The following SFMBT2 variants were observed in gnomAD, a reference collection of about 807,000 sequenced individuals.
SFMBT2 encodes Scm like with four mbt domains 2.
SFMBT2 carries 38 observed loss-of-function variants against 110.1 expected under a neutral mutation model. The ratio of observed to expected loss-of-function variants is 0.35; its 90% CI spans 0.27 to 0.45. The LOEUF is 0.45. SFMBT2 is among the 20% of genes least tolerant of loss of function. The pLI is 1.00. For missense variants in SFMBT2, 1,011 were observed against 1,094.9 expected, an observed-to-expected ratio of 0.92 and a Z score of 1.08; for synonymous variants, 425 against 425.4, an observed-to-expected ratio of 1.00 and a Z score of 0.01.
At chr10:7,232,711 T>C (rs11255052) in intron 9 of SFMBT2, among the ~76,000 whole-genome samples, 68,795 of 152,100 alleles carry the variant, frequency 0.45, 16,496 homozygotes, top group East Asian at 0.87. Context: ...GGCTACTTTC[T>C]TCTTTGACCT....
chr10:7,233,964 G>A (rs989034991), intron 9 of SFMBT2, among the ~76,000 whole-genome samples: 2 of 152,236 alleles, frequency 1.3e-5, no homozygotes, highest in Non-Finnish European at 2.9e-5. Context: ...GTTTCACAAA[G>A]GAGTTTGTGT....
chr10:7,346,968 C>T (rs1192607804), intron 4 of SFMBT2, among the ~76,000 whole-genome samples: 1 of 151,814 alleles, frequency 6.6e-6, no homozygotes, highest in Admixed American at 6.6e-5. Flanking sequence ...CCAGCCTGGG[C>T]GACAAAACCA....
chr10:7,348,155 A>T, intron 4 of SFMBT2: 5 of 593,064 alleles, frequency 8.4e-6, no homozygotes, highest in Non-Finnish European at 1.3e-5. Context: ...TTCTAAAAAC[A>T]TTTTATTTTC....
intron 7 of SFMBT2, among the ~76,000 whole-genome samples, chr10:7,273,312 A>C (rs1257486571): frequency 6.6e-6 from 1 of 152,210 alleles, no homozygotes; most frequent in Admixed American, 6.5e-5. Context: ...TGACTACACT[A>C]AAAAGATTCC....
chr10:7,377,521 TG>T (rs1442113788), intron 2 of SFMBT2, among the ~76,000 whole-genome samples: 1 of 152,196 alleles, frequency 6.6e-6, no homozygotes, highest in Non-Finnish European at 1.5e-5. Context: ...ATAGAATCAG[TG>T]GGAATCCTGG....
chr10:7,163,649 T>G lies in SFMBT2; in HGVS notation c.*121A>C. The G allele has an allele frequency of 1.1e-6, 1 of 883,300 alleles. No homozygotes were observed. The highest frequency in any genetic ancestry group is 2.7e-5 in the East Asian group (1 of 37,072). 54.7% of individuals were successfully genotyped at this position (883,300 alleles called of 1,614,324 possible). On this transcript the variant is annotated 3_prime_UTR_variant, in exon 21 of 21. Transcript: ENST00000397167. This position sits in a 1 kb window ranked among gnomAD's most constrained non-coding sequence, Gnocchi z 4.8. ...GAGGCAGAAGATCCTGGGCTTCTGGTTTTCTGGTGATACTTAGTGGCTGTA... is the reference window on the plus strand; with the variant it reads ...GAGGCAGAAGATCCTGGGCTTCTGGGTTTCTGGTGATACTTAGTGGCTGTA...
In SFMBT2 at chr10:7,264,838, A is replaced by G. The variant is rs1019002604; in HGVS notation, c.870+12054T>C. On this transcript the variant is annotated intron_variant, in intron 7 of 20. Transcript: ENST00000397167. ...CTTGGGCTTATTCCTCAAGTTCCTT[A>G]TATCTTTATTCTCTATTTGTTTAGT... 2.0e-5 allele frequency among the ~76,000 whole-genome samples: 3 copies of G among 151,602 alleles called. No homozygotes were observed. In the East Asian group the frequency reaches 5.8e-4, roughly 29 times the overall value.
At chr10:7,334,416 C>T (rs930457816) in intron 4 of SFMBT2, among the ~76,000 whole-genome samples, 1 of 152,194 alleles carries the variant, frequency 6.6e-6, no homozygotes, top group Admixed American at 6.5e-5. Context: ...CTAACGAAAC[C>T]TCTTTGGAAT....
At chr10:7,283,622 A>G (rs551443642) in intron 6 of SFMBT2, among the ~76,000 whole-genome samples, 14 of 152,332 alleles carry the variant, frequency 9.2e-5, no homozygotes, top group Admixed American at 6.5e-4. Context: ...AATATCCTCA[A>G]GTCTCAATCT....
chr10:7,233,989 C>T (rs1840183441), intron 9 of SFMBT2, among the ~76,000 whole-genome samples: 1 of 152,232 alleles, frequency 6.6e-6, no homozygotes, highest in South Asian at 2.1e-4. Flanking sequence ...TGCAGGCTTA[C>T]AGGCAGGACA....
chr10:7,235,932 ACACT>A (rs1452487290), intron 9 of SFMBT2, among the ~76,000 whole-genome samples: 1 of 152,198 alleles, frequency 6.6e-6, no homozygotes, highest in African/African-American at 2.4e-5. Flanking sequence ...AAATAAATTC[ACACT>A]CAATAAAACA....
At chr10:7,405,269 G>GCTAT (rs1218583205) in intron 1 of SFMBT2, among the ~76,000 whole-genome samples, 1 of 152,198 alleles carries the variant, frequency 6.6e-6, no homozygotes, top group Non-Finnish European at 1.5e-5. Flanking sequence ...GGTACACTGT[G>GCTAT]CTATCTGGAA....
At chr10:7,251,159 A>G (rs1212330550) in intron 7 of SFMBT2, among the ~76,000 whole-genome samples, 1 of 132,016 alleles carries the variant, frequency 7.6e-6, no homozygotes, top group Non-Finnish European at 1.6e-5. Context: ...CCAATAAAAA[A>G]AATTAAACAT....
intron 4 of SFMBT2, among the ~76,000 whole-genome samples, chr10:7,302,975 C>G (rs1310561391): frequency 6.6e-6 from 1 of 150,762 alleles, no homozygotes; most frequent in Non-Finnish European, 1.5e-5. Flanking sequence ...TATCATAAAA[C>G]ATTTCAATAA....
chr10:7,166,032 A>G (rs2131511441), intron 20 of SFMBT2, among the ~76,000 whole-genome samples: 1 of 152,350 alleles, frequency 6.6e-6, no homozygotes, highest in African/African-American at 2.4e-5. Flanking sequence ...TCCAGGTACC[A>G]TGGGCCTCAT....
chr10:7,322,626 C>A (rs1014452241), intron 4 of SFMBT2, among the ~76,000 whole-genome samples: 2 of 151,894 alleles, frequency 1.3e-5, no homozygotes, highest in Non-Finnish European at 2.9e-5. Context: ...CACACACACA[C>A]ACACATACAC....
chr10:7,202,416 C>A, intron 13 of SFMBT2, 64 bp downstream of exon 13: 1 of 1,601,916 alleles, frequency 6.2e-7, no homozygotes, highest in Non-Finnish European at 8.6e-7. Context: ...TGCTTCCCAT[C>A]CTCCATAAAG....
At position 7,160,956 on chromosome 10, in the gene SFMBT2, A is replaced by T. The variant is rs987410331; in HGVS notation, c.*2814T>A. On this transcript the variant is annotated 3_prime_UTR_variant, in exon 21 of 21. Transcript: ENST00000397167. ...CAAGGACCGGAGAGATGGCACAGAG[A>T]CAACTTTCATGGCGACGCCAGGCTG... 1.3e-5 allele frequency: 2 copies of T among 152,216 alleles called. No individual in the cohort carries two copies. Among genetic ancestry groups the T allele is most frequent in the Non-Finnish European group, 2.9e-5 (2 of 68,060 alleles). The allele number at this position is 152,216 out of a possible 1,614,324, so 9.4% of individuals were successfully genotyped here. A position where few individuals can be genotyped will look rare whatever the true frequency, so the allele number is the denominator to read the frequency against.
chr10:7,266,608 T>C (rs1841402375), intron 7 of SFMBT2, among the ~76,000 whole-genome samples: 1 of 152,190 alleles, frequency 6.6e-6, no homozygotes. Flanking sequence ...CCTGATGAGA[T>C]GACATGCCAC....
Sources: allele counts gnomAD v4.1 joint callset (sites outside exome capture counted in the v4.1 genomes callset), GRCh38; gene constraint gnomAD v4.1.1; non-coding constraint Gnocchi (gnomAD v3.1); transcripts MANE v1.5; gene names NCBI Gene and HGNC (gene_info 2026-07-23, HGNC 2026-07-21).